Variants in OTOGL observed in about 807,000 individuals in gnomAD.
The protein encoded by OTOGL is otogelin like.
Under a neutral mutation model 318.5 loss-of-function variants are expected in OTOGL, and 285 were observed. The observed-to-expected ratio is 0.89, with a 90% confidence interval of 0.81 to 0.99. OTOGL has a LOEUF of 0.99. Ranked by LOEUF, OTOGL falls within the 50% of genes least tolerant of loss-of-function variation. The pLI, the probability that OTOGL is intolerant of heterozygous loss-of-function variation, is 0.00. For missense variants in OTOGL, 2,899 were observed against 2,845.6 expected (o/e 1.02, Z -0.43); for synonymous variants, 987 against 936.5 (o/e 1.05, Z -0.99).
In OTOGL at chr12:80,182,109, G is replaced by A. The variant is rs139959464; in HGVS notation, c.-19-27304G>A. On this transcript the variant is annotated intron_variant, in intron 1 of 58. Transcript: ENST00000547103. ...TGAGACTACAGTGAGCCATGATCAC[G>A]CCACTGCACTCCAGTCTGGGCAACA... 5.8e-3 allele frequency among the ~76,000 whole-genome samples: 878 copies of A among 152,174 alleles called. 10 individuals are homozygous for A. Among genetic ancestry groups the A allele is most frequent in the African/African-American group, 0.019 (789 of 41,520 alleles).
intron 40 of OTOGL, 25 bp downstream of exon 40, chr12:80,336,580 T>C (rs1284362444): frequency 6.3e-7 from 1 of 1,587,708 alleles, no homozygotes; most frequent in South Asian, 1.1e-5. Flanking sequence ...ATTTTTGCAG[T>C]CATTTCATCA....
At chr12:80,203,550 G>A (rs2137290049) in intron 1 of OTOGL, among the ~76,000 whole-genome samples, 1 of 152,256 alleles carries the variant, frequency 6.6e-6, no homozygotes, top group Non-Finnish European at 1.5e-5. Context: ...AAGATGTGTT[G>A]CCAATGGAAC....
intron 44 of OTOGL, among the ~76,000 whole-genome samples, chr12:80,348,840 C>T (rs1889366103): frequency 6.6e-6 from 1 of 152,098 alleles, no homozygotes; most frequent in Admixed American, 6.6e-5. Context: ...TGCTGTTTCC[C>T]CAGCTGGAAT....
chr12:80,371,206 AAGT>A, intron 56 of OTOGL, among the ~76,000 whole-genome samples: 1 of 152,268 alleles, frequency 6.6e-6, no homozygotes, highest in East Asian at 1.9e-4. Context: ...TTTACTGGAA[AAGT>A]AGATTTGTGA....
intron 44 of OTOGL, among the ~76,000 whole-genome samples, chr12:80,343,020 T>G (rs1411077415): frequency 6.6e-6 from 1 of 152,180 alleles, no homozygotes; most frequent in Non-Finnish European, 1.5e-5. Flanking sequence ...TAGCTGGGAC[T>G]GCAGGTGCCG....
chr12:80,181,124 AT>A (rs1874889326), intron 1 of OTOGL, among the ~76,000 whole-genome samples: 1 of 152,184 alleles, frequency 6.6e-6, no homozygotes, highest in Non-Finnish European at 1.5e-5. Flanking sequence ...AGGTTTGTCA[AT>A]TGGTACATTT....
intron 29 of OTOGL, among the ~76,000 whole-genome samples, chr12:80,307,695 G>A: frequency 6.9e-6 from 1 of 145,198 alleles, no homozygotes; most frequent in East Asian, 2.2e-4. Context: ...CGGCCAGGCA[G>A]AGGCGCCCCT....
At chr12:80,377,699 AT>A in intron 58 of OTOGL, 148 bp from the exon 59 acceptor site, 1 of 653,054 alleles carries the variant, frequency 1.5e-6, no homozygotes, top group Non-Finnish European at 2.6e-6. Flanking sequence ...TGTTTCATTT[AT>A]TGTTTTTTAC....
intron 26 of OTOGL, among the ~76,000 whole-genome samples, chr12:80,285,928 G>C (rs528929740): frequency 6.6e-6 from 1 of 152,156 alleles, no homozygotes; most frequent in African/African-American, 2.4e-5. Flanking sequence ...AGTGGTAAGA[G>C]GGGGCATCCT....
intron 34 of OTOGL, among the ~76,000 whole-genome samples, chr12:80,322,447 T>C (rs1312499651): frequency 6.6e-6 from 1 of 152,186 alleles, no homozygotes; most frequent in Non-Finnish European, 1.5e-5. Flanking sequence ...GAGCCTATTG[T>C]AGTCTTGGAA....
chr12:80,351,836 A>C (rs952421510), intron 44 of OTOGL, among the ~76,000 whole-genome samples: 1 of 152,224 alleles, frequency 6.6e-6, no homozygotes, highest in Non-Finnish European at 1.5e-5. Flanking sequence ...AGGTGTGCCA[A>C]ATGTTTATAA....
At chr12:80,112,682 T>G (rs1300403708) in intron 1 of OTOGL, among the ~76,000 whole-genome samples, 1 of 151,418 alleles carries the variant, frequency 6.6e-6, no homozygotes, top group African/African-American at 2.4e-5. Flanking sequence ...TGATGTTCAT[T>G]AGGGATATTT....
chr12:80,334,756 G>A (rs976075451), intron 38 of OTOGL, among the ~76,000 whole-genome samples: 1 of 152,124 alleles, frequency 6.6e-6, no homozygotes, highest in Admixed American at 6.6e-5. Context: ...ACTGGATTTA[G>A]CAATGTGAGT....
intron 19 of OTOGL, among the ~76,000 whole-genome samples, chr12:80,264,283 C>T (rs770983629): frequency 6.6e-6 from 1 of 152,120 alleles, no homozygotes; most frequent in Non-Finnish European, 1.5e-5. Context: ...TCTGATCAGT[C>T]ATTCTCAAGG....
Position 80,339,237 on chromosome 12 carries a change from T to C in OTOGL, c.5023T>C (p.Leu1675=), listed in dbSNP as rs374141922. The C allele has an allele frequency of 2.5e-6, 4 of 1,611,276 alleles. No homozygotes were observed. Among genetic ancestry groups the C allele is most frequent in the Non-Finnish European group, 2.5e-6 (3 of 1,178,232 alleles). The change falls in exon 43 of 59, where the codon TTG becomes CTG. Residue 1675 remains leucine, a synonymous_variant. Transcript: ENST00000547103. ...IDIHFGFRFN[L]SSYTEGLCGI... Reference sequence around the variant, plus strand: ...CATTCATTTTGGCTTCCGATTTAACTTGTCATCCTACACAGAAGGACTCTG... The same window carrying C: ...CATTCATTTTGGCTTCCGATTTAACCTGTCATCCTACACAGAAGGACTCTG...
intron 1 of OTOGL, among the ~76,000 whole-genome samples, chr12:80,176,694 T>C (rs930473341): frequency 1.3e-5 from 2 of 152,186 alleles, no homozygotes; most frequent in East Asian, 3.8e-4. Context: ...AGTAAATTTC[T>C]GTAAGCATCA....
intron 37 of OTOGL, among the ~76,000 whole-genome samples, chr12:80,330,675 TA>T (rs1300298215): frequency 6.6e-6 from 1 of 152,126 alleles, no homozygotes; most frequent in Non-Finnish European, 1.5e-5. Context: ...CTCTCAAAGA[TA>T]AAAAAATAAA....
At chr12:80,242,993 C>T (rs969164874) in intron 11 of OTOGL, among the ~76,000 whole-genome samples, 37 of 151,854 alleles carry the variant, frequency 2.4e-4, no homozygotes, top group South Asian at 2.1e-4. Flanking sequence ...TTTAATTTTG[C>T]GATGCCAAAG....
intron 26 of OTOGL, among the ~76,000 whole-genome samples, chr12:80,288,818 C>T (rs2137668330): frequency 6.6e-6 from 1 of 152,060 alleles, no homozygotes; most frequent in Admixed American, 6.5e-5. Context: ...AGGTTCTTAG[C>T]TTCTTTGCAT....
Sources: gnomAD v4.1 joint callset for allele counts (sites outside exome capture counted in the v4.1 genomes callset) on GRCh38, gnomAD v4.1.1 for gene constraint, MANE v1.5 for transcripts, NCBI Gene and HGNC (gene_info 2026-07-23, HGNC 2026-07-21) for gene names.